Variants in FGGY observed in about 807,000 individuals in gnomAD.
FGGY encodes the protein FGGY carbohydrate kinase domain-containing protein.
FGGY carries 72 observed loss-of-function variants against 71.3 expected under a neutral mutation model. The observed-to-expected ratio is 1.01, with a 90% CI of 0.84 to 1.23. The LOEUF is 1.23. Among genes scored for constraint, FGGY ranks in the 50% most tolerant of loss-of-function variants. The pLI is 0.00. For synonymous variants in FGGY, 251 were observed against 250.3 expected (o/e 1.00, Z -0.02); for missense variants, 668 against 682.3 (o/e 0.98, Z 0.23).
At chr1:59,694,707 A>G (rs1321129688) in intron 14 of FGGY, among the ~76,000 whole-genome samples, 3 of 144,290 alleles carry the variant, frequency 2.1e-5, no homozygotes, top group Admixed American at 6.8e-5. Context: ...TTTTTTTTTT[A>G]AAGAGATGGG....
At chr1:59,395,971 G>A (rs1221407733) in intron 5 of FGGY, among the ~76,000 whole-genome samples, 2 of 152,148 alleles carry the variant, frequency 1.3e-5, no homozygotes, top group Non-Finnish European at 2.9e-5. Flanking sequence ...TCATTCATTA[G>A]GCAAATAATC....
At chr1:59,357,530 T>G (rs941862281) in intron 4 of FGGY, among the ~76,000 whole-genome samples, 1 of 152,184 alleles carries the variant, frequency 6.6e-6, no homozygotes, top group African/African-American at 2.4e-5. Flanking sequence ...CCTTTGGGCT[T>G]AAACTGGAGC....
chr1:59,554,797 A>G (rs1396387284), intron 8 of FGGY, among the ~76,000 whole-genome samples: 1 of 152,228 alleles, frequency 6.6e-6, no homozygotes, highest in African/African-American at 2.4e-5. Context: ...TAAAATTTAT[A>G]TCTTCTTTAA....
chr1:59,736,622 G>A (rs2098106829), intron 14 of FGGY, among the ~76,000 whole-genome samples: 3 of 152,218 alleles, frequency 2.0e-5, no homozygotes, highest in Admixed American at 2.0e-4. Context: ...GAACTTGAGA[G>A]AGATGATTTA....
chr1:59,509,159 G>A (rs1474685516), intron 6 of FGGY, among the ~76,000 whole-genome samples: 2 of 152,166 alleles, frequency 1.3e-5, no homozygotes, highest in Non-Finnish European at 2.9e-5. Context: ...TTAAGGGGGA[G>A]TTTGAGCCAT....
intron 7 of FGGY, among the ~76,000 whole-genome samples, chr1:59,513,367 A>G (rs980315854): frequency 1.3e-5 from 2 of 152,344 alleles, no homozygotes; most frequent in East Asian, 1.9e-4. Flanking sequence ...CTGTGTGTGT[A>G]TACTTTCAGA....
rs557411568 is a variant in FGGY at position 59,543,707 on chromosome 1, C to CT, written c.800-10407dup. Among the ~76,000 whole-genome samples the CT allele has an allele frequency of 1.1e-3, 162 of 148,084 alleles. 2 individuals carry two copies. In the South Asian group the frequency reaches 0.011, roughly 10 times the overall value. On this transcript the variant is annotated intron_variant, in intron 7 of 15. Transcript: ENST00000303721. ...ATATTTTTTTTCCTTAAATTTCAGG[C>CT]TTTTTTTTTTAGTTTAAATGTTCTA...
rs143933923 is a variant in FGGY, at chr1:59,611,767, T to C, written c.1011+3857T>C. 5.9e-4 allele frequency among the ~76,000 whole-genome samples: 90 copies of C among 152,224 alleles called. 2 individuals are homozygous for C. Among genetic ancestry groups the C allele is most frequent in the African/African-American group, 2.0e-3 (83 of 41,526 alleles). ...AAACCTTGAAAAAAGATTAGATGAA[T>C]GTCTAACTAGAATAACCACTGCAGA... is the stretch of plus-strand genomic sequence containing the variant. On this transcript the variant is annotated intron_variant, in intron 9 of 15. Transcript: ENST00000303721.
intron 14 of FGGY, among the ~76,000 whole-genome samples, chr1:59,690,577 C>T (rs1305156477): frequency 6.6e-6 from 1 of 152,182 alleles, no homozygotes; most frequent in Non-Finnish European, 1.5e-5. Flanking sequence ...TAGATGTTGC[C>T]ATGTTTGCTG....
At chr1:59,706,866 T>C (rs771186438) in intron 14 of FGGY, among the ~76,000 whole-genome samples, 8 of 152,090 alleles carry the variant, frequency 5.3e-5, no homozygotes, top group Non-Finnish European at 1.0e-4. Context: ...AATAATAAAT[T>C]GGGTTCATAG....
chr1:59,378,677 T>A lies in FGGY; in HGVS notation c.466-72T>A, dbSNP rs2058974886. 9.8e-6 allele frequency: 14 copies of A among 1,424,780 alleles called. 1 individual carries two copies. In the South Asian group the frequency reaches 1.5e-4, roughly 15 times the overall value. 88.3% of individuals were successfully genotyped at this position (1,424,780 alleles called of 1,614,324 possible). A position where few individuals can be genotyped will look rare whatever the true frequency, so the allele number is the denominator to read the frequency against. On this transcript the variant is annotated intron_variant, in intron 4 of 15. Coordinates refer to ENST00000303721, the MANE Select transcript of FGGY (RefSeq NM_018291.5). Reference sequence around the variant, plus strand: ...TGGCTATGCTTTTGTTTTGAAAAATTTGAAACATTATTGAAAGAGGAGATG... The same window carrying A: ...TGGCTATGCTTTTGTTTTGAAAAATATGAAACATTATTGAAAGAGGAGATG...
At chr1:59,590,240 A>G (rs1224664260) in intron 8 of FGGY, among the ~76,000 whole-genome samples, 1 of 152,224 alleles carries the variant, frequency 6.6e-6, no homozygotes, top group Non-Finnish European at 1.5e-5. Flanking sequence ...TAAACCAAGA[A>G]GAAGTTGAAT....
At chr1:59,685,275 G>GT (rs564202925) in intron 14 of FGGY, among the ~76,000 whole-genome samples, 11 of 152,048 alleles carry the variant, frequency 7.2e-5, no homozygotes, top group Non-Finnish European at 1.3e-4. Context: ...GCCTACAGCT[G>GT]TGGTGACCCT....
chr1:59,604,014 A>G (rs1194880730), intron 8 of FGGY, among the ~76,000 whole-genome samples: 2 of 152,196 alleles, frequency 1.3e-5, no homozygotes, highest in East Asian at 1.9e-4. Context: ...TAATAACAGA[A>G]TTTTTAAGTG....
At chr1:59,475,505 T>C (rs139037833) in intron 6 of FGGY, among the ~76,000 whole-genome samples, 151 of 152,350 alleles carry the variant, frequency 9.9e-4, no homozygotes, top group African/African-American at 3.4e-3. Flanking sequence ...ACCAAACTTG[T>C]AAAATAGGTT....
chr1:59,723,775 T>G (rs578063853), intron 14 of FGGY, among the ~76,000 whole-genome samples: 1 of 152,374 alleles, frequency 6.6e-6, no homozygotes, highest in East Asian at 1.9e-4. Context: ...TAAGGTTTAC[T>G]TTTTGTACTC....
chr1:59,603,509 C>A (rs889180102), intron 8 of FGGY, among the ~76,000 whole-genome samples: 6 of 152,166 alleles, frequency 3.9e-5, no homozygotes, highest in African/African-American at 1.4e-4. Flanking sequence ...ATATAATAAA[C>A]CATTGATATG....
intron 5 of FGGY, among the ~76,000 whole-genome samples, chr1:59,400,424 C>T (rs2061805053): frequency 6.6e-6 from 1 of 152,140 alleles, no homozygotes; most frequent in Non-Finnish European, 1.5e-5. Context: ...GTGTCACATC[C>T]TTCATAGCCT....
At position 59,343,518 on chromosome 1, in the gene FGGY, A is replaced by G. The variant is rs533081584; in HGVS notation, c.314-2729A>G. Among the ~76,000 whole-genome samples the G allele has an allele frequency of 3.3e-5, 5 of 152,260 alleles. No individual in the cohort carries two copies. The South Asian group carries it at 8.3e-4, about 25-fold the overall frequency. On this transcript the variant is annotated intron_variant, in intron 3 of 15. Coordinates refer to ENST00000303721, the MANE Select transcript of FGGY (RefSeq NM_018291.5). ...AGCCTGCTCTTTGCTCCTCCTCCAC[A>G]TTCCCATGTCTGGTACTCTTGTTCT... is the stretch of plus-strand genomic sequence containing the variant.
Sources: allele counts gnomAD v4.1 joint callset (sites outside exome capture counted in the v4.1 genomes callset), GRCh38; gene constraint gnomAD v4.1.1; transcripts MANE v1.5; gene names NCBI Gene and HGNC (gene_info 2026-07-23, HGNC 2026-07-21).